MEMO1: variants seen among roughly 807,000 people sequenced by gnomAD.
The protein encoded by MEMO1 is protein MEMO1.
A neutral mutation model predicts 45.2 loss-of-function variants in MEMO1; 6 were observed. That is an observed-to-expected ratio of 0.13 (90% CI 0.07 to 0.26). MEMO1 has a LOEUF of 0.26. Ranked by LOEUF, MEMO1 falls within the 10% of genes least tolerant of loss-of-function variation. The probability of loss-of-function intolerance (pLI) is 1.00; values close to 1 mark genes in which losing one functional copy is unlikely to be tolerated. For synonymous variants in MEMO1, 78 were observed against 124.3 expected, an observed-to-expected ratio of 0.63 and a Z score of 2.48; for missense variants, 184 against 370.5, an observed-to-expected ratio of 0.50 and a Z score of 4.13.
At chr2:31,906,427 G>T (rs553139189) in intron 6 of MEMO1, among the ~76,000 whole-genome samples, 132 of 151,890 alleles carry the variant, frequency 8.7e-4, no homozygotes, top group Non-Finnish European at 1.7e-3. Flanking sequence ...AAGTTCAAGC[G>T]ATTCTCCTTT....
chr2:31,893,374 T>C (rs1357834984), intron 6 of MEMO1: 3 of 1,123,936 alleles, frequency 2.7e-6, no homozygotes, highest in Non-Finnish European at 3.3e-6. Flanking sequence ...CCACAGGATC[T>C]CTTTCTCTAA....
intron 3 of MEMO1, among the ~76,000 whole-genome samples, chr2:31,937,650 G>C (rs953166168): frequency 6.6e-6 from 1 of 151,868 alleles, no homozygotes; most frequent in African/African-American, 2.4e-5. Context: ...AACAATAAAG[G>C]GTACACAATG....
chr2:31,958,485 G>A (rs1667649018), intron 2 of MEMO1, among the ~76,000 whole-genome samples: 1 of 151,894 alleles, frequency 6.6e-6, no homozygotes, highest in Admixed American at 6.6e-5. Flanking sequence ...CAATGCCATG[G>A]CACCTTCTTT....
chr2:31,971,734 C>T (rs1442038949), intron 2 of MEMO1, among the ~76,000 whole-genome samples: 2 of 152,114 alleles, frequency 1.3e-5, no homozygotes, highest in East Asian at 3.9e-4. Context: ...TTTTGGGAGG[C>T]CGAGGTGGGA....
At chr2:31,927,213 G>A (rs530313022) in intron 4 of MEMO1, among the ~76,000 whole-genome samples, 16 of 152,112 alleles carry the variant, frequency 1.1e-4, no homozygotes, top group South Asian at 4.2e-4. Flanking sequence ...CCAGCTACTC[G>A]GGAGACTGAG....
intron 2 of MEMO1, among the ~76,000 whole-genome samples, chr2:31,969,596 T>TGGGG (rs1669114310): frequency 7.2e-6 from 1 of 139,392 alleles, no homozygotes; most frequent in African/African-American, 2.8e-5. Flanking sequence ...GGTGTGTGTG[T>TGGGG]GTGTGTGTGT....
At chr2:31,953,139 T>C (rs1667019973) in intron 2 of MEMO1, among the ~76,000 whole-genome samples, 1 of 152,042 alleles carries the variant, frequency 6.6e-6, no homozygotes, top group East Asian at 1.9e-4. Context: ...GAGGCCAAAG[T>C]GGGCGGATCA....
chr2:31,889,647 G>A (rs553765096), intron 7 of MEMO1, among the ~76,000 whole-genome samples: 2 of 151,996 alleles, frequency 1.3e-5, no homozygotes, highest in South Asian at 4.1e-4. Context: ...CACTTTACAA[G>A]AATTACTGTG....
chr2:31,891,371 C>T (rs1292789304), intron 7 of MEMO1, among the ~76,000 whole-genome samples: 1 of 152,244 alleles, frequency 6.6e-6, no homozygotes, highest in Admixed American at 6.5e-5. Flanking sequence ...CAGCTCACTT[C>T]TCTTACAACG....
intron 8 of MEMO1, among the ~76,000 whole-genome samples, chr2:31,878,093 A>T (rs1452913288): frequency 6.6e-6 from 1 of 152,192 alleles, no homozygotes; most frequent in Non-Finnish European, 1.5e-5. Flanking sequence ...ATGCAAAATT[A>T]AATAGAGTAG....
intron 2 of MEMO1, among the ~76,000 whole-genome samples, chr2:31,950,078 A>G (rs1198159359): frequency 1.3e-5 from 2 of 152,202 alleles, no homozygotes; most frequent in African/African-American, 4.8e-5. Flanking sequence ...GTTCTTTTAA[A>G]CTTGTTCAGA....
At chr2:31,961,354 C>CA (rs543917028) in intron 2 of MEMO1, among the ~76,000 whole-genome samples, 6 of 149,326 alleles carry the variant, frequency 4.0e-5, no homozygotes, top group African/African-American at 9.8e-5. Context: ...AAGGCTCCAT[C>CA]AAAAAAAAAG....
At chr2:31,911,039 C>CA (rs200692820) in intron 6 of MEMO1, among the ~76,000 whole-genome samples, 2,196 of 142,328 alleles carry the variant, frequency 0.015, 29 homozygotes, top group Non-Finnish European at 0.026. Flanking sequence ...AAGTGGAAGA[C>CA]AAAAAAAAAG....
intron 9 of MEMO1, among the ~76,000 whole-genome samples, chr2:31,868,709 TTAAG>T (rs1673222876): frequency 6.6e-6 from 1 of 152,224 alleles, no homozygotes; most frequent in African/African-American, 2.4e-5. Flanking sequence ...TTTTTGATAA[TTAAG>T]TATCAGTCAT....
intron 2 of MEMO1, among the ~76,000 whole-genome samples, chr2:31,984,833 G>A (rs556454093): frequency 1.1e-3 from 161 of 152,200 alleles, no homozygotes; most frequent in African/African-American, 3.6e-3. Context: ...AAAAAGGAAA[G>A]AAAGGACATT....
chr2:31,875,342 CT>C (rs1674405914), intron 8 of MEMO1, among the ~76,000 whole-genome samples: 1 of 152,022 alleles, frequency 6.6e-6, no homozygotes, highest in Non-Finnish European at 1.5e-5. Context: ...AATTTATTCC[CT>C]TTTTTCTTTT....
chr2:31,960,088 A>G (rs903086407), intron 2 of MEMO1, among the ~76,000 whole-genome samples: 4 of 151,912 alleles, frequency 2.6e-5, no homozygotes, highest in Non-Finnish European at 5.9e-5. Flanking sequence ...TCCCAGCTAC[A>G]TGGGAGGCTG....
chr2:31,896,830 A>T (rs1458684859), intron 6 of MEMO1, among the ~76,000 whole-genome samples: 3 of 151,916 alleles, frequency 2.0e-5, no homozygotes, highest in African/African-American at 4.9e-5. Flanking sequence ...CAAAATAAAA[A>T]TTGGGCAAAA....
intron 2 of MEMO1, among the ~76,000 whole-genome samples, chr2:31,955,903 C>T (rs923729251): frequency 6.6e-6 from 1 of 152,124 alleles, no homozygotes; most frequent in African/African-American, 2.4e-5. Flanking sequence ...CCACCATGCT[C>T]GGCCATCCAC....
Sources: allele counts gnomAD v4.1 joint callset (sites outside exome capture counted in the v4.1 genomes callset), GRCh38; gene constraint gnomAD v4.1.1; transcripts MANE v1.5; gene names NCBI Gene and HGNC (gene_info 2026-07-23, HGNC 2026-07-21).